MOB1B: variants seen among roughly 807,000 people sequenced by gnomAD.
MOB1B encodes the protein MOB kinase activator 1B, also known as MOB1 Mps One Binder homolog B.
In MOB1B, 19 loss-of-function variants were observed where a neutral mutation model predicts 24.4. The ratio of observed to expected loss-of-function variants is 0.78; its 90% CI spans 0.54 to 1.14. The LOEUF (loss-of-function observed/expected upper bound fraction) is 1.14, where lower values mean the gene tolerates loss of function less well. Among genes scored for constraint, MOB1B ranks in the 50% most tolerant of loss-of-function variants. MOB1B has a pLI of 0.00. For missense variants in MOB1B, 243 were observed against 259.6 expected (o/e 0.94, Z 0.44); for synonymous variants, 76 against 82.1 (o/e 0.93, Z 0.40).
intron 1 of MOB1B, among the ~76,000 whole-genome samples, chr4:70,933,542 CTTTTTTTTTTTTTT>C (rs34950388): frequency 2.7e-3 from 247 of 91,636 alleles, no homozygotes; most frequent in Non-Finnish European, 4.5e-3. Context: ...AAAAATAACT[CTTTTTTTTTTTTTT>C]TTTTTTTTTT....
intron 1 of MOB1B, among the ~76,000 whole-genome samples, chr4:70,942,559 A>G (rs1737395028): frequency 6.6e-6 from 1 of 152,194 alleles, no homozygotes; most frequent in Non-Finnish European, 1.5e-5. Flanking sequence ...TTTAATAGAA[A>G]AAGAATAAAC....
chr4:70,976,788 A>C, intron 4 of MOB1B: 1 of 221,076 alleles, frequency 4.5e-6, no homozygotes, highest in Non-Finnish European at 7.3e-6. Flanking sequence ...CTCTCTCTCA[A>C]TCATAAGGGT....
intron 4 of MOB1B, among the ~76,000 whole-genome samples, chr4:70,977,797 C>T (rs1251810077): frequency 1.3e-5 from 2 of 152,038 alleles, no homozygotes; most frequent in Admixed American, 6.6e-5. Context: ...CTCAAGCAAT[C>T]CTATCGCTTC....
chr4:70,906,370 G>C (rs920998384), intron 1 of MOB1B, among the ~76,000 whole-genome samples: 1 of 152,074 alleles, frequency 6.6e-6, no homozygotes, highest in Admixed American at 6.6e-5. Flanking sequence ...GAGTGAGACC[G>C]TCTCAAAAAA....
upstream of MOB1B, chr4:70,902,303 C>T (rs537644758): frequency 5.0e-6 from 3 of 595,114 alleles, no homozygotes; most frequent in Non-Finnish European, 9.1e-6. Flanking sequence ...CCCCGCCTCC[C>T]TTTCCTTCCC....
At chr4:70,968,503 G>A (rs1738628237) in intron 2 of MOB1B, among the ~76,000 whole-genome samples, 1 of 151,968 alleles carries the variant, frequency 6.6e-6, no homozygotes, top group Non-Finnish European at 1.5e-5. Flanking sequence ...TAGAGACAAG[G>A]TTTCTCTATG....
At chr4:70,907,336 T>C (rs1292603587) in intron 1 of MOB1B, among the ~76,000 whole-genome samples, 1 of 152,150 alleles carries the variant, frequency 6.6e-6, no homozygotes, top group East Asian at 1.9e-4. Flanking sequence ...AAAAGTGAGT[T>C]CTAAGTAATC....
chr4:70,962,600 A>T (rs1560658454), intron 2 of MOB1B, among the ~76,000 whole-genome samples: 1 of 152,216 alleles, frequency 6.6e-6, no homozygotes, highest in Non-Finnish European at 1.5e-5. Flanking sequence ...CTAGGAAAAA[A>T]AAAACAGGAG....
intron 2 of MOB1B, among the ~76,000 whole-genome samples, chr4:70,962,532 A>G (rs1337081620): frequency 2.6e-5 from 4 of 152,186 alleles, no homozygotes; most frequent in Non-Finnish European, 4.4e-5. Flanking sequence ...CACCTTTCAG[A>G]AAAATTAGCA....
At chr4:70,977,635 G>A (rs1314261445) in intron 4 of MOB1B, among the ~76,000 whole-genome samples, 1 of 152,002 alleles carries the variant, frequency 6.6e-6, no homozygotes, top group African/African-American at 2.4e-5. Flanking sequence ...CCCCCTTGTG[G>A]TAAGAGCAGC....
At chr4:70,948,003 A>G (rs556921825) in intron 1 of MOB1B, among the ~76,000 whole-genome samples, 1 of 152,332 alleles carries the variant, frequency 6.6e-6, no homozygotes, top group African/African-American at 2.4e-5. Flanking sequence ...CACCAAATTC[A>G]AGGTCACATA....
At chr4:70,940,331 C>T (rs982318991) in intron 1 of MOB1B, among the ~76,000 whole-genome samples, 1 of 152,176 alleles carries the variant, frequency 6.6e-6, no homozygotes, top group Admixed American at 6.5e-5. Context: ...ACTTTTCTGC[C>T]TCCCTTCTAT....
At chr4:70,958,149 T>C (rs1223019186) in intron 1 of MOB1B, among the ~76,000 whole-genome samples, 2 of 151,666 alleles carry the variant, frequency 1.3e-5, no homozygotes, top group African/African-American at 4.8e-5. Context: ...TAGAAAAACA[T>C]GTAGCTTTTC....
rs1325989458 is a variant in MOB1B, at chr4:70,987,227, G to A, written c.*5170G>A. On this transcript the variant is annotated 3_prime_UTR_variant, in exon 6 of 6. Coordinates refer to ENST00000309395, the MANE Select transcript of MOB1B (RefSeq NM_173468.4). The stretch of plus-strand genomic sequence containing the variant: ...ACAGCTTTTTTTAAATTATTTCACT[G>A]AAGCTGAGATTATTAGTGATACAAA... The A allele has an allele frequency of 6.6e-6, 1 of 151,798 alleles. No individual in the cohort carries two copies. Among genetic ancestry groups the A allele is most frequent in the Non-Finnish European group, 1.5e-5 (1 of 67,888 alleles). The allele number at this position is 151,798 out of a possible 1,614,324, so 9.4% of individuals were successfully genotyped here.
At chr4:70,967,326 G>A (rs992021452) in intron 2 of MOB1B, among the ~76,000 whole-genome samples, 2 of 152,094 alleles carry the variant, frequency 1.3e-5, no homozygotes, top group South Asian at 4.1e-4. Context: ...TAGACATAGG[G>A]TTTCACCATA....
At chr4:70,944,818 G>C (rs111954344) in intron 1 of MOB1B, among the ~76,000 whole-genome samples, 1,963 of 152,156 alleles carry the variant, frequency 0.013, 37 homozygotes, top group African/African-American at 0.045. Flanking sequence ...ACTTTTAAAT[G>C]ACCAGATCTC....
chr4:70,909,674 T>C lies in MOB1B; in HGVS notation c.14+7124T>C, dbSNP rs548267383. The stretch of plus-strand genomic sequence containing the variant: ...TTATCAAAATCATGTGGCCAGTAAA[T>C]AGTGTAGCTGGAATTTGAGTCCTGG... On this transcript the variant is annotated intron_variant, in intron 1 of 5. Coordinates refer to ENST00000309395, the MANE Select transcript of MOB1B (RefSeq NM_173468.4). Among the ~76,000 whole-genome samples, 7 of 152,084 alleles carry C rather than the reference T, an allele frequency of 4.6e-5. 1 individual carries two copies. Among genetic ancestry groups the C allele is most frequent in the African/African-American group, 1.7e-4 (7 of 41,472 alleles).
intron 1 of MOB1B, among the ~76,000 whole-genome samples, chr4:70,931,058 C>G (rs1299063018): frequency 6.7e-6 from 1 of 149,450 alleles, no homozygotes; most frequent in African/African-American, 2.5e-5. Flanking sequence ...GTGGGCCTTT[C>G]CTGACATCAC....
At chr4:70,974,770 C>T (rs1486600501) in intron 3 of MOB1B, among the ~76,000 whole-genome samples, 1 of 152,134 alleles carries the variant, frequency 6.6e-6, no homozygotes, top group South Asian at 2.1e-4. Flanking sequence ...AAGAATTGTA[C>T]TGTGTAAGGA....
Sources: allele counts gnomAD v4.1 joint callset (sites outside exome capture counted in the v4.1 genomes callset), GRCh38; gene constraint gnomAD v4.1.1; transcripts MANE v1.5; gene names NCBI Gene and HGNC (gene_info 2026-07-23, HGNC 2026-07-21).